The following ANO3 variants were observed in gnomAD, a reference collection of about 807,000 sequenced individuals.
The protein encoded by ANO3 is anoctamin-3.
Under a neutral mutation model 144.8 loss-of-function variants are expected in ANO3, and 99 were observed. The ratio of observed to expected loss-of-function variants is 0.68; its 90% confidence interval spans 0.58 to 0.81. ANO3 has a LOEUF of 0.81. Among genes scored for constraint, ANO3 ranks in the 30% least tolerant of loss-of-function variants. ANO3 has a pLI of 0.00. For missense variants in ANO3, 905 were observed against 1,202.2 expected (o/e 0.75, Z 3.66); for synonymous variants, 414 against 392.6 (o/e 1.05, Z -0.64).
At chr11:26,408,464 G>A (rs1590335365) in intron 1 of ANO3, among the ~76,000 whole-genome samples, 2 of 151,430 alleles carry the variant, frequency 1.3e-5, no homozygotes, top group East Asian at 2.0e-4. Context: ...TCATTAAAAA[G>A]TCAGGAAACA....
At chr11:26,646,402 T>C (rs11029661) in intron 23 of ANO3, among the ~76,000 whole-genome samples, 7,065 of 152,156 alleles carry the variant, frequency 0.046, 521 homozygotes, top group African/African-American at 0.16. Context: ...ATAGTGTATC[T>C]GTAGTATAGA....
At chr11:26,331,155 G>A (rs1330616654), upstream of ANO3, among the ~76,000 whole-genome samples, 2 of 152,120 alleles carry the variant, frequency 1.3e-5, no homozygotes, top group South Asian at 4.1e-4. Flanking sequence ...GGACACAATG[G>A]GGGAACAACA....
At chr11:26,450,061 A>C (rs1858868331) in intron 3 of ANO3, among the ~76,000 whole-genome samples, 1 of 152,102 alleles carries the variant, frequency 6.6e-6, no homozygotes, top group South Asian at 2.1e-4. Context: ...CAGCTGTAGA[A>C]TTGCCTTTCT....
chr11:26,302,017 G>A (rs1854244848), intron 1 of ANO3, among the ~76,000 whole-genome samples: 1 of 152,168 alleles, frequency 6.6e-6, no homozygotes, highest in African/African-American at 2.4e-5. Context: ...ATTCAGCCCT[G>A]CTAAGCTACA....
chr11:26,228,814 A>G (rs943091054), intron 1 of ANO3, among the ~76,000 whole-genome samples: 1 of 152,228 alleles, frequency 6.6e-6, no homozygotes, highest in Non-Finnish European at 1.5e-5. Context: ...AGAAAGATGA[A>G]CAGCTGAAGA....
intron 1 of ANO3, among the ~76,000 whole-genome samples, chr11:26,291,392 TA>T (rs749179721): frequency 6.6e-6 from 1 of 152,140 alleles, no homozygotes; most frequent in Non-Finnish European, 1.5e-5. Context: ...TTAATTGGGT[TA>T]TTTAGCCCAT....
At chr11:26,375,191 A>T (rs1856372102) in intron 1 of ANO3, among the ~76,000 whole-genome samples, 1 of 152,178 alleles carries the variant, frequency 6.6e-6, no homozygotes, top group Admixed American at 6.5e-5. Context: ...TCTCATAAGG[A>T]GTACACAATC....
chr11:26,433,077 G>C (rs1201099950), intron 1 of ANO3, among the ~76,000 whole-genome samples: 1 of 151,970 alleles, frequency 6.6e-6, no homozygotes, highest in Admixed American at 6.6e-5. Context: ...CTGATTTTGA[G>C]CAGTGTTTGG....
intron 1 of ANO3, among the ~76,000 whole-genome samples, chr11:26,313,867 A>AATATT (rs1469610326): frequency 8.2e-4 from 110 of 134,582 alleles, no homozygotes; most frequent in Non-Finnish European, 2.1e-4. Context: ...AATGAAATTA[A>AATATT]ATATTATAAT....
intron 5 of ANO3, among the ~76,000 whole-genome samples, chr11:26,511,268 G>A (rs1345646192): frequency 1.3e-5 from 2 of 152,096 alleles, no homozygotes; most frequent in African/African-American, 4.8e-5. Context: ...CAGTTTTCCA[G>A]AACAGATATT....
intron 1 of ANO3, chr11:26,207,929 T>C (rs12801417): frequency 0.3 from 45,921 of 151,932 alleles, 7,681 homozygotes; most frequent in Non-Finnish European, 0.37. Context: ...TAAGAAAATA[T>C]CATAAACTCT....
At chr11:26,461,108 G>A (rs570309706) in intron 3 of ANO3, among the ~76,000 whole-genome samples, 1 of 137,182 alleles carries the variant, frequency 7.3e-6, no homozygotes, top group South Asian at 2.1e-4. Flanking sequence ...GAGAGAGAGC[G>A]AGAGCAAGCG....
chr11:26,592,837 T>C (rs1851491807), intron 14 of ANO3, among the ~76,000 whole-genome samples: 1 of 152,034 alleles, frequency 6.6e-6, no homozygotes, highest in Non-Finnish European at 1.5e-5. Context: ...GTATTTTTCC[T>C]TCTTAATGGG....
intron 17 of ANO3, among the ~76,000 whole-genome samples, chr11:26,621,352 C>A (rs571756415): frequency 6.6e-6 from 1 of 152,270 alleles, no homozygotes; most frequent in South Asian, 2.1e-4. Flanking sequence ...TCCTTTCTCT[C>A]TAACTTCCCT....
intron 2 of ANO3, among the ~76,000 whole-genome samples, 156 bp from the exon 3 acceptor site, chr11:26,443,609 G>T (rs573215294): frequency 6.6e-6 from 1 of 151,960 alleles, no homozygotes; most frequent in South Asian, 2.1e-4. Flanking sequence ...CTTAAAAAAC[G>T]GAAAAAACAG....
intron 3 of ANO3, among the ~76,000 whole-genome samples, chr11:26,460,799 T>C (rs1182337383): frequency 1.3e-5 from 2 of 152,106 alleles, no homozygotes; most frequent in Non-Finnish European, 2.9e-5. Context: ...TAATTTCTTG[T>C]GTTCCATGGA....
At chr11:26,528,871 A>G (rs866910467) in intron 7 of ANO3, among the ~76,000 whole-genome samples, 11 of 151,324 alleles carry the variant, frequency 7.3e-5, no homozygotes, top group South Asian at 6.2e-4. Flanking sequence ...TTATTATTTT[A>G]AAGGCTGTCT....
At chr11:26,302,553 T>C (rs543316424) in intron 1 of ANO3, among the ~76,000 whole-genome samples, 8 of 152,228 alleles carry the variant, frequency 5.3e-5, no homozygotes, top group Admixed American at 1.3e-4. Context: ...CCTCCGATTA[T>C]TTCAGTGAAT....
At position 26,449,634 on chromosome 11, in the gene ANO3, T is replaced by A. The variant is rs150954547; in HGVS notation, c.313+5798T>A. Among the ~76,000 whole-genome samples the A allele has an allele frequency of 1.0e-3, 153 of 152,266 alleles. 1 individual carries two copies. The highest frequency in any genetic ancestry group is 3.6e-3 in the African/African-American group (148 of 41,538). ...AGTTATGAGTTAGTGCTTTGTTAAT[T>A]TTCTCACTGAGGACCTGATCTAAAT... is the stretch of plus-strand genomic sequence containing the variant. On this transcript the variant is annotated intron_variant, in intron 3 of 26. Transcript: ENST00000256737.
Sources: allele counts gnomAD v4.1 joint callset (sites outside exome capture counted in the v4.1 genomes callset), GRCh38; gene constraint gnomAD v4.1.1; transcripts MANE v1.5; gene names NCBI Gene and HGNC (gene_info 2026-07-23, HGNC 2026-07-21).